RASAL2: variants seen among roughly 807,000 people sequenced by gnomAD.
RASAL2 encodes the protein ras GTPase-activating protein nGAP.
In RASAL2, 58 loss-of-function variants were observed where a neutral mutation model predicts 128.9. That is an observed-to-expected ratio of 0.45 (90% CI 0.36 to 0.56). The LOEUF (loss-of-function observed/expected upper bound fraction) is 0.56. Ranked by LOEUF, RASAL2 falls within the 20% of genes least tolerant of loss-of-function variation. RASAL2 has a pLI of 0.00. For missense variants in RASAL2, 1,360 were observed against 1,601.6 expected, an observed-to-expected ratio of 0.85 and a Z score of 2.57; for synonymous variants, 561 against 580.8, an observed-to-expected ratio of 0.97 and a Z score of 0.49.
At chr1:178,231,123 G>A (rs530450972) in intron 1 of RASAL2, among the ~76,000 whole-genome samples, 1 of 152,234 alleles carries the variant, frequency 6.6e-6, no homozygotes, top group Non-Finnish European at 1.5e-5. Context: ...TTGGGAAACT[G>A]CCTTTCCCTG....
intron 3 of RASAL2, among the ~76,000 whole-genome samples, chr1:178,337,441 A>T (rs927886231): frequency 8.5e-5 from 13 of 152,338 alleles, no homozygotes; most frequent in Admixed American, 6.5e-4. Flanking sequence ...TTTAAATATG[A>T]ACTCTCAAAA....
At chr1:178,192,331 AT>A (rs1386736516) in intron 1 of RASAL2, among the ~76,000 whole-genome samples, 9 of 152,238 alleles carry the variant, frequency 5.9e-5, no homozygotes, top group African/African-American at 2.2e-4. Flanking sequence ...ACAAAGAGAA[AT>A]GCATGAAATT....
rs1648584283 is a variant in RASAL2 at position 178,475,165 on chromosome 1, G to GT, written c.*1929dup. On this transcript the variant is annotated 3_prime_UTR_variant, in exon 18 of 18. Coordinates refer to ENST00000367649, the MANE Select transcript of RASAL2 (RefSeq NM_170692.4). The stretch of plus-strand genomic sequence containing the variant: ...ACATAACCCACAACCTTTTAAAACA[G>GT]TTTCTTTCATAGCAATCCCTGTTTC... The GT allele has an allele frequency of 6.6e-6, 1 of 152,162 alleles. No homozygotes were observed. The highest frequency in any genetic ancestry group is 2.1e-4 in the South Asian group (1 of 4,820). The allele number at this position is 152,162 out of a possible 1,614,324, so 9.4% of individuals were successfully genotyped here.
intron 4 of RASAL2, among the ~76,000 whole-genome samples, chr1:178,404,644 A>C (rs993922886): frequency 2.1e-5 from 3 of 141,814 alleles, no homozygotes; most frequent in African/African-American, 8.0e-5. Context: ...CTCCCAAAGT[A>C]CTGGGATTAC....
intron 3 of RASAL2, among the ~76,000 whole-genome samples, chr1:178,356,662 A>G (rs1670829046): frequency 6.6e-6 from 1 of 152,352 alleles, no homozygotes; most frequent in Admixed American, 6.5e-5. Context: ...TTCAGTGCTA[A>G]AACTAAATAA....
intron 2 of RASAL2, among the ~76,000 whole-genome samples, chr1:178,297,096 C>T (rs1667550755): frequency 6.6e-6 from 1 of 151,590 alleles, no homozygotes; most frequent in South Asian, 2.1e-4. Context: ...TTGGAAGATA[C>T]ATAATTTTTA....
In RASAL2 at chr1:178,283,616, C is replaced by T. The variant is rs199969518; in HGVS notation, c.255C>T (p.Thr85=). ...HRLSCGQSPY[T]ETTTWERKYC... ...TGTCTTGTGGTCAGTCACCCTACAC[C>T]GAGACAACAACGTGGGAGCGGAAGT... The change falls in exon 2 of 18, where the codon ACC becomes ACT. Residue 85 remains threonine, a synonymous_variant. Transcript: ENST00000367649. 37 of 1,613,710 alleles carry T rather than the reference C, an allele frequency of 2.3e-5. No individual in the cohort carries two copies. The highest frequency in any genetic ancestry group is 2.2e-5 in the East Asian group (1 of 44,834).
chr1:178,095,278 G>A (rs1207586439), intron 1 of RASAL2, among the ~76,000 whole-genome samples: 1 of 152,180 alleles, frequency 6.6e-6, no homozygotes, highest in African/African-American at 2.4e-5. Context: ...TGACTGGGTT[G>A]CCACTCAGCA....
chr1:178,336,247 CAGTT>C (rs1388589263), intron 3 of RASAL2, among the ~76,000 whole-genome samples: 4 of 150,660 alleles, frequency 2.7e-5, no homozygotes. Flanking sequence ...TGGTGTGCTT[CAGTT>C]AGTTGTAAGG....
chr1:178,307,613 A>G (rs1401682075), intron 3 of RASAL2, among the ~76,000 whole-genome samples: 1 of 152,242 alleles, frequency 6.6e-6, no homozygotes, highest in Admixed American at 6.5e-5. Flanking sequence ...AACCAAAGCT[A>G]TCAAATAGCT....
At chr1:178,227,032 T>C (rs1249533793) in intron 1 of RASAL2, among the ~76,000 whole-genome samples, 1 of 152,098 alleles carries the variant, frequency 6.6e-6, no homozygotes, top group Non-Finnish European at 1.5e-5. Context: ...ACATCTCAAC[T>C]ACCAGCTGCC....
At chr1:178,152,947 T>C (rs1660963276) in intron 1 of RASAL2, among the ~76,000 whole-genome samples, 1 of 152,224 alleles carries the variant, frequency 6.6e-6, no homozygotes, top group South Asian at 2.1e-4. Flanking sequence ...TCCAAATTAG[T>C]AATCATTTCT....
chr1:178,224,465 G>A (rs1230846958), intron 1 of RASAL2, among the ~76,000 whole-genome samples: 1 of 152,066 alleles, frequency 6.6e-6, no homozygotes, highest in African/African-American at 2.4e-5. Flanking sequence ...GTGTTTCATT[G>A]GGAAGCATAT....
At chr1:178,380,243 T>C (rs1437756090) in intron 3 of RASAL2, among the ~76,000 whole-genome samples, 1 of 152,152 alleles carries the variant, frequency 6.6e-6, no homozygotes, top group Non-Finnish European at 1.5e-5. Context: ...CTCAAAACTT[T>C]TAAACCTAAT....
chr1:178,349,602 C>T (rs562588829), intron 3 of RASAL2, among the ~76,000 whole-genome samples: 33 of 151,936 alleles, frequency 2.2e-4, no homozygotes, highest in African/African-American at 7.7e-4. Flanking sequence ...TCTGAGCTTA[C>T]TGTATAAAAA....
intron 1 of RASAL2, among the ~76,000 whole-genome samples, chr1:178,226,749 C>T (rs183044014): frequency 2.2e-4 from 33 of 152,266 alleles, no homozygotes; most frequent in African/African-American, 6.5e-4. Context: ...GAGTTCAAGA[C>T]CAGCCTGGCC....
At chr1:178,462,829 A>G (rs980415572) in intron 14 of RASAL2, among the ~76,000 whole-genome samples, 19 of 152,218 alleles carry the variant, frequency 1.2e-4, no homozygotes, top group Admixed American at 7.2e-4. Flanking sequence ...TATATAAACT[A>G]TGCACATCCA....
chr1:178,108,556 G>T (rs1398427960), intron 1 of RASAL2, among the ~76,000 whole-genome samples: 1 of 152,186 alleles, frequency 6.6e-6, no homozygotes, highest in Non-Finnish European at 1.5e-5. Context: ...TAAAGATGTA[G>T]AGGAACTTGT....
intron 3 of RASAL2, among the ~76,000 whole-genome samples, chr1:178,318,369 A>G (rs1412508907): frequency 1.3e-5 from 2 of 151,056 alleles, no homozygotes; most frequent in Admixed American, 1.3e-4. Context: ...TGTCTCGTTG[A>G]TCTGTCTAAT....
Sources: allele counts gnomAD v4.1 joint callset (sites outside exome capture counted in the v4.1 genomes callset), GRCh38; gene constraint gnomAD v4.1.1; transcripts MANE v1.5; gene names NCBI Gene and HGNC (gene_info 2026-07-23, HGNC 2026-07-21).